The following UNC5C variants were observed in gnomAD, a reference collection of about 807,000 sequenced individuals.
UNC5C encodes unc-5 netrin receptor C, also known as netrin receptor UNC5C.
A neutral mutation model predicts 99.8 loss-of-function variants in UNC5C; 47 were observed. The ratio of observed to expected loss-of-function variants is 0.47; its 90% CI spans 0.37 to 0.60. UNC5C has a LOEUF of 0.60. Among genes scored for constraint, UNC5C ranks in the 20% least tolerant of loss-of-function variants. UNC5C has a pLI of 0.00. For synonymous variants in UNC5C, 487 were observed against 452.2 expected, an observed-to-expected ratio of 1.08 and a Z score of -0.98; for missense variants, 1,062 against 1,165.9, an observed-to-expected ratio of 0.91 and a Z score of 1.30.
intron 1 of UNC5C, among the ~76,000 whole-genome samples, chr4:95,535,385 T>TA (rs1350638657): frequency 3.3e-5 from 5 of 152,184 alleles, no homozygotes; most frequent in Non-Finnish European, 7.4e-5. Context: ...TATATCTAAT[T>TA]ATTTTCATAG....
intron 7 of UNC5C, among the ~76,000 whole-genome samples, chr4:95,223,799 C>T (rs1413284805): frequency 6.6e-6 from 1 of 152,048 alleles, no homozygotes; most frequent in Non-Finnish European, 1.5e-5. Flanking sequence ...ATTTTCAAAA[C>T]CCAAAGACTT....
intron 1 of UNC5C, among the ~76,000 whole-genome samples, chr4:95,520,338 T>TA (rs1274180422): frequency 6.6e-6 from 1 of 152,222 alleles, no homozygotes; most frequent in Non-Finnish European, 1.5e-5. Context: ...ATTCAACACT[T>TA]AAACATTTTT....
At chr4:95,292,723 GA>G (rs1035652720) in intron 3 of UNC5C, among the ~76,000 whole-genome samples, 3 of 152,192 alleles carry the variant, frequency 2.0e-5, no homozygotes, top group Middle Eastern at 3.4e-3. Flanking sequence ...ATTCCTTGGG[GA>G]AAAAAAGTAT....
At chr4:95,511,956 C>T (rs1466966131) in intron 1 of UNC5C, among the ~76,000 whole-genome samples, 1 of 152,060 alleles carries the variant, frequency 6.6e-6, no homozygotes, top group African/African-American at 2.4e-5. Flanking sequence ...CTTGTTTTGG[C>T]AGAAACTTGA....
rs1735796100 is a variant in UNC5C, at chr4:95,164,688, C to T, written c.*4546G>A. ...ATGTACTGCTTCACAAAAGCTCTTC[C>T]ATTCTCAAAGAAGATGGATAAAGTC... On this transcript the variant is annotated 3_prime_UTR_variant, in exon 16 of 16. Coordinates refer to ENST00000453304, the MANE Select transcript of UNC5C (RefSeq NM_003728.4). 1 of 152,178 alleles carries T rather than the reference C, an allele frequency of 6.6e-6. No homozygotes were observed. The highest frequency in any genetic ancestry group is 6.5e-5 in the Admixed American group (1 of 15,268). 9.4% of individuals were successfully genotyped at this position (152,178 alleles called of 1,614,324 possible).
chr4:95,207,323 C>A (rs1579231655), intron 10 of UNC5C, among the ~76,000 whole-genome samples: 3 of 152,256 alleles, frequency 2.0e-5, no homozygotes, highest in South Asian at 4.2e-4. Context: ...CAGATTCATT[C>A]TTTCAAATAT....
At chr4:95,487,230 G>A (rs1318359246) in intron 1 of UNC5C, among the ~76,000 whole-genome samples, 1 of 151,734 alleles carries the variant, frequency 6.6e-6, no homozygotes, top group African/African-American at 2.4e-5. Flanking sequence ...TGGGATCCTT[G>A]GTGTCTAGCA....
chr4:95,476,644 T>A (rs1218665589), intron 1 of UNC5C, among the ~76,000 whole-genome samples: 6 of 152,088 alleles, frequency 3.9e-5, no homozygotes, highest in Non-Finnish European at 7.4e-5. Context: ...ATTTCAAATA[T>A]TTCTGAAAAA....
intron 1 of UNC5C, among the ~76,000 whole-genome samples, chr4:95,547,095 ACTT>A (rs937577603): frequency 1.3e-5 from 2 of 150,990 alleles, no homozygotes; most frequent in African/African-American, 4.9e-5. Flanking sequence ...CGCCCTGAGA[ACTT>A]CTTATCAATT....
chr4:95,458,089 AT>A (rs1343393855), intron 1 of UNC5C, among the ~76,000 whole-genome samples: 1 of 152,060 alleles, frequency 6.6e-6, no homozygotes, highest in Non-Finnish European at 1.5e-5. Context: ...CGTCACTTAA[AT>A]TTTTTATTAC....
intron 4 of UNC5C, among the ~76,000 whole-genome samples, chr4:95,251,792 A>T (rs187792691): frequency 3.0e-4 from 46 of 152,304 alleles, no homozygotes; most frequent in African/African-American, 1.1e-3. Context: ...AGTGGGTTTG[A>T]CATTGCACAA....
intron 1 of UNC5C, among the ~76,000 whole-genome samples, chr4:95,488,393 G>A (rs1283888555): frequency 6.6e-6 from 1 of 151,658 alleles, no homozygotes; most frequent in Non-Finnish European, 1.5e-5. Context: ...TATCCTCCTT[G>A]ACAGCAATAG....
chr4:95,433,615 A>G (rs548896349), intron 1 of UNC5C, among the ~76,000 whole-genome samples: 1 of 152,144 alleles, frequency 6.6e-6, no homozygotes, highest in South Asian at 2.1e-4. Flanking sequence ...TACAAACCCA[A>G]GAACCGTCCC....
chr4:95,320,135 A>G (rs190261275), intron 2 of UNC5C, among the ~76,000 whole-genome samples: 112 of 152,268 alleles, frequency 7.4e-4, no homozygotes, highest in Middle Eastern at 3.4e-3. Flanking sequence ...TTCTTCCACA[A>G]AAATAAAGTA....
chr4:95,227,677 C>T (rs7674572), intron 7 of UNC5C, among the ~76,000 whole-genome samples: 7,963 of 152,230 alleles, frequency 0.052, 699 homozygotes, highest in African/African-American at 0.18. Flanking sequence ...GAGATTGTCT[C>T]ATTCAATCTT....
chr4:95,540,671 T>C (rs183890971), intron 1 of UNC5C, among the ~76,000 whole-genome samples: 1 of 152,312 alleles, frequency 6.6e-6, no homozygotes, highest in Admixed American at 6.5e-5. Flanking sequence ...ATGTGTATAT[T>C]TGCCAAACAC....
At chr4:95,186,289 AAGC>A (rs1170098455) in intron 12 of UNC5C, among the ~76,000 whole-genome samples, 7 of 152,324 alleles carry the variant, frequency 4.6e-5, no homozygotes, top group Non-Finnish European at 7.4e-5. Context: ...TTTCAATAAA[AAGC>A]AGGGAATTCA....
intron 7 of UNC5C, among the ~76,000 whole-genome samples, chr4:95,239,082 T>G (rs1194274833): frequency 6.6e-6 from 1 of 152,196 alleles, no homozygotes; most frequent in Non-Finnish European, 1.5e-5. Flanking sequence ...CAGTGGACAA[T>G]TTTCTTGGGT....
intron 1 of UNC5C, among the ~76,000 whole-genome samples, chr4:95,540,881 A>G (rs1722900916): frequency 6.6e-6 from 1 of 152,182 alleles, no homozygotes; most frequent in Non-Finnish European, 1.5e-5. Flanking sequence ...TCCAAAAATC[A>G]TGTATAATAA....
Sources: allele counts gnomAD v4.1 joint callset (sites outside exome capture counted in the v4.1 genomes callset), GRCh38; gene constraint gnomAD v4.1.1; transcripts MANE v1.5; gene names NCBI Gene and HGNC (gene_info 2026-07-23, HGNC 2026-07-21).